The following LRRTM3 variants were observed in gnomAD, a reference collection of about 807,000 sequenced individuals.
LRRTM3 encodes the protein leucine rich repeat transmembrane neuronal 3.
In LRRTM3, 24 loss-of-function variants were observed where a neutral mutation model predicts 44.7. That is an observed-to-expected ratio of 0.54 (90% confidence interval 0.39 to 0.76). LRRTM3 has a LOEUF of 0.76. LRRTM3 is among the 30% of genes least tolerant of loss of function. The probability of loss-of-function intolerance (pLI) is 0.00; values close to 1 mark genes in which losing one functional copy is unlikely to be tolerated. For synonymous variants in LRRTM3, 277 were observed against 278.7 expected (o/e 0.99, Z 0.06); for missense variants, 587 against 702.2 (o/e 0.84, Z 1.85).
chr10:67,007,741 TG>T (rs1852086106), intron 2 of LRRTM3, among the ~76,000 whole-genome samples: 1 of 151,986 alleles, frequency 6.6e-6, no homozygotes, highest in Non-Finnish European at 1.5e-5. Context: ...TATTCCATAC[TG>T]AATATATTAA....
intron 2 of LRRTM3, among the ~76,000 whole-genome samples, chr10:66,964,874 C>G (rs547936815): frequency 6.6e-6 from 1 of 152,216 alleles, no homozygotes; most frequent in East Asian, 1.9e-4. Context: ...AGTCACAACT[C>G]AAAATTAAAC....
intron 2 of LRRTM3, among the ~76,000 whole-genome samples, chr10:67,028,370 C>T (rs371118235): frequency 9.9e-5 from 15 of 152,086 alleles, no homozygotes; most frequent in African/African-American, 3.6e-4. Flanking sequence ...GAGTACCTAT[C>T]ATCCACAGCT....
intron 2 of LRRTM3, among the ~76,000 whole-genome samples, chr10:66,930,052 A>G (rs1847289842): frequency 6.6e-6 from 1 of 151,726 alleles, no homozygotes; most frequent in African/African-American, 2.4e-5. Context: ...GGCTATTTTT[A>G]CTAATTTTTT....
chr10:67,096,259 G>A (rs1426746691), intron 2 of LRRTM3, among the ~76,000 whole-genome samples: 1 of 151,574 alleles, frequency 6.6e-6, no homozygotes, highest in Non-Finnish European at 1.5e-5. Flanking sequence ...TTTGCTCCAG[G>A]AATTTTCACT....
chr10:67,092,964 T>C (rs1487675149), intron 2 of LRRTM3, among the ~76,000 whole-genome samples: 4 of 151,992 alleles, frequency 2.6e-5, no homozygotes, highest in East Asian at 3.9e-4. Context: ...AGAGTATACA[T>C]GATAATGCTT....
Position 67,030,295 on chromosome 10 carries a change from C to T in LRRTM3, c.1537-67292C>T, listed in dbSNP as rs114715957. Among the ~76,000 whole-genome samples, 547 of 152,140 alleles carry T rather than the reference C, an allele frequency of 3.6e-3. 3 individuals carry two copies. Among genetic ancestry groups the T allele is most frequent in the African/African-American group, 0.012 (503 of 41,516 alleles). On this transcript the variant is annotated intron_variant, in intron 2 of 2. Coordinates refer to ENST00000361320, the MANE Select transcript of LRRTM3 (RefSeq NM_178011.5). ...TTTAAAGTTAAGAAACATTTGAAGTCGAGTTCTAAAGCAATCTGCATATGC... is the reference window on the plus strand; with the variant it reads ...TTTAAAGTTAAGAAACATTTGAAGTTGAGTTCTAAAGCAATCTGCATATGC...
At chr10:66,976,938 C>T (rs929851529) in intron 2 of LRRTM3, among the ~76,000 whole-genome samples, 3 of 152,072 alleles carry the variant, frequency 2.0e-5, no homozygotes, top group Non-Finnish European at 4.4e-5. Flanking sequence ...CTGAAATGAA[C>T]CAAAATTTAA....
intron 2 of LRRTM3, among the ~76,000 whole-genome samples, chr10:67,014,620 A>T (rs12771360): frequency 0.32 from 48,298 of 152,034 alleles, 8,017 homozygotes; most frequent in Middle Eastern, 0.49. Flanking sequence ...TAATGGAAAA[A>T]AATTCTAAAG....
At chr10:67,010,656 A>G (rs1303258312) in intron 2 of LRRTM3, among the ~76,000 whole-genome samples, 1 of 152,180 alleles carries the variant, frequency 6.6e-6, no homozygotes, top group Admixed American at 6.5e-5. Context: ...CTCACATATC[A>G]GTAGCTGCTA....
intron 2 of LRRTM3, among the ~76,000 whole-genome samples, chr10:66,996,053 A>G (rs2132956002): frequency 6.6e-6 from 1 of 152,276 alleles, no homozygotes; most frequent in Middle Eastern, 3.4e-3. Context: ...CTACTTATTT[A>G]CATATTTTGT....
chr10:67,030,005 C>T (rs527472128), intron 2 of LRRTM3, among the ~76,000 whole-genome samples: 1 of 152,286 alleles, frequency 6.6e-6, no homozygotes, highest in East Asian at 1.9e-4. Context: ...GATATTTGTG[C>T]CCTGTATTTC....
chr10:66,973,787 C>A (rs1213404261), intron 2 of LRRTM3, among the ~76,000 whole-genome samples: 1 of 152,070 alleles, frequency 6.6e-6, no homozygotes, highest in East Asian at 1.9e-4. Context: ...CCATGCCCAG[C>A]TAATTTTTTG....
chr10:67,083,778 C>T, intron 2 of LRRTM3, among the ~76,000 whole-genome samples: 1 of 152,132 alleles, frequency 6.6e-6, no homozygotes, highest in Non-Finnish European at 1.5e-5. Flanking sequence ...TACATTAGTT[C>T]TCCCCATAGA....
chr10:66,958,308 CAAAAAA>C (rs35076056), intron 2 of LRRTM3, among the ~76,000 whole-genome samples: 80 of 86,924 alleles, frequency 9.2e-4, no homozygotes, highest in African/African-American at 3.1e-3. Flanking sequence ...TGCTTTCTTG[CAAAAAA>C]AAAAAAAAAA....
At chr10:66,997,351 TTTC>T (rs1851411450) in intron 2 of LRRTM3, among the ~76,000 whole-genome samples, 1 of 152,218 alleles carries the variant, frequency 6.6e-6, no homozygotes, top group Non-Finnish European at 1.5e-5. Flanking sequence ...CCACAAATTC[TTTC>T]TTGTTTGTAA....
chr10:67,089,578 T>C (rs1857505805), intron 2 of LRRTM3, among the ~76,000 whole-genome samples: 1 of 151,998 alleles, frequency 6.6e-6, no homozygotes, highest in Admixed American at 6.6e-5. Context: ...TTCTCAGCAA[T>C]ATGGACTCTT....
At chr10:66,929,828 A>G (rs1847272022) in intron 2 of LRRTM3, among the ~76,000 whole-genome samples, 1 of 152,216 alleles carries the variant, frequency 6.6e-6, no homozygotes, top group Non-Finnish European at 1.5e-5. Flanking sequence ...TATTTGAGTA[A>G]CTTGAACCAC....
chr10:66,965,825 T>C (rs1229737092), intron 2 of LRRTM3, among the ~76,000 whole-genome samples: 1 of 152,160 alleles, frequency 6.6e-6, no homozygotes, highest in African/African-American at 2.4e-5. Flanking sequence ...AGATTTTTTT[T>C]CTATGTTAAG....
At chr10:66,979,939 A>C (rs978988415) in intron 2 of LRRTM3, among the ~76,000 whole-genome samples, 2 of 152,204 alleles carry the variant, frequency 1.3e-5, no homozygotes, top group South Asian at 4.1e-4. Context: ...TTCCTCAAGT[A>C]CTGTTGGAAC....
Sources: allele counts gnomAD v4.1 joint callset (sites outside exome capture counted in the v4.1 genomes callset), GRCh38; gene constraint gnomAD v4.1.1; transcripts MANE v1.5; gene names NCBI Gene and HGNC (gene_info 2026-07-23, HGNC 2026-07-21).